FRS2: variants seen among roughly 807,000 people sequenced by gnomAD.
FRS2 encodes the protein fibroblast growth factor receptor substrate 2.
Under a neutral mutation model 43.9 loss-of-function variants are expected in FRS2, and 8 were observed. The observed-to-expected ratio is 0.18, with a 90% CI of 0.11 to 0.33. The LOEUF (loss-of-function observed/expected upper bound fraction) is 0.33. FRS2 is among the 10% of genes least tolerant of loss of function. FRS2 has a pLI of 1.00. For synonymous variants in FRS2, 219 were observed against 220.3 expected (o/e 0.99, Z 0.05); for missense variants, 534 against 627.6 (o/e 0.85, Z 1.59).
At chr12:69,555,413 A>G (rs139134935) in intron 3 of FRS2, among the ~76,000 whole-genome samples, 73 of 152,268 alleles carry the variant, frequency 4.8e-4, no homozygotes, top group East Asian at 3.5e-3. Context: ...TTTGAACAAT[A>G]CTTATTTTAA....
intron 3 of FRS2, among the ~76,000 whole-genome samples, chr12:69,543,900 A>G (rs1193086124): frequency 6.6e-6 from 1 of 152,158 alleles, no homozygotes; most frequent in Non-Finnish European, 1.5e-5. Context: ...ATACTAAAAA[A>G]TTAGGATCTC....
chr12:69,504,515 T>C (rs1873749473), intron 1 of FRS2, among the ~76,000 whole-genome samples: 1 of 152,156 alleles, frequency 6.6e-6, no homozygotes, highest in Non-Finnish European at 1.5e-5. Flanking sequence ...TCACAATAGA[T>C]TTATTGGGAT....
At position 69,470,452 on chromosome 12, in the gene FRS2, G is replaced by A; in HGVS notation, c.-339G>A. ...CTGAGACTCGATCTGCTCCAAGTAG[G>A]GGCTCCAGCGCGGGTCGGAGTCTGG... is the stretch of plus-strand genomic sequence containing the variant. On this transcript the variant is annotated 5_prime_UTR_variant, in exon 1 of 9. Coordinates refer to ENST00000549921, the MANE Select transcript of FRS2 (RefSeq NM_001278356.2). 5.0e-6 allele frequency: 2 copies of A among 398,562 alleles called. No homozygotes were observed. The allele number at this position is 398,562 out of a possible 1,614,324, so 24.7% of individuals were successfully genotyped here.
chr12:69,529,558 T>C (rs540780611), intron 1 of FRS2, among the ~76,000 whole-genome samples: 1 of 151,244 alleles, frequency 6.6e-6, no homozygotes, highest in South Asian at 2.1e-4. Context: ...GAGGCAGAGG[T>C]TGCAGTGAGC....
At chr12:69,486,087 A>G (rs1196069994) in intron 1 of FRS2, 2 of 152,188 alleles carry the variant, frequency 1.3e-5, no homozygotes, top group African/African-American at 2.4e-5. Flanking sequence ...TCCATTAAGT[A>G]TCCTAATTCC....
At chr12:69,557,630 G>GCGCGCA (rs1565773301) in intron 3 of FRS2, among the ~76,000 whole-genome samples, 1 of 147,066 alleles carries the variant, frequency 6.8e-6, no homozygotes, top group East Asian at 2.0e-4. Flanking sequence ...GCGCGCGCGC[G>GCGCGCA]CGCGCGCAGG....
intron 2 of FRS2, 48 bp downstream of exon 2, chr12:69,531,008 T>C (rs1489307071): frequency 1.3e-5 from 2 of 151,410 alleles, no homozygotes; most frequent in Non-Finnish European, 2.9e-5. Flanking sequence ...TTTGTAGTTA[T>C]CTACTTTGAA....
intron 1 of FRS2, among the ~76,000 whole-genome samples, chr12:69,485,305 C>T (rs1359504961): frequency 6.6e-6 from 1 of 152,026 alleles, no homozygotes; most frequent in Non-Finnish European, 1.5e-5. Context: ...GCCTCAGCCT[C>T]CCAAGTAGCT....
chr12:69,575,109 A>G lies in FRS2; in HGVS notation c.*154A>G. ...GTGCATCTTTAACTAAAGGGAATTAATGTAGAGCAGGTACTCCTTAAAGAA... is the reference window on the plus strand; with the variant it reads ...GTGCATCTTTAACTAAAGGGAATTAGTGTAGAGCAGGTACTCCTTAAAGAA... On this transcript the variant is annotated 3_prime_UTR_variant, in exon 9 of 9. Transcript: ENST00000549921. The G allele has an allele frequency of 1.7e-6, 1 of 597,808 alleles. No homozygotes were observed. The highest frequency in any genetic ancestry group is 2.2e-5 in the South Asian group (1 of 46,134). The allele number at this position is 597,808 out of a possible 1,614,324, so 37.0% of individuals were successfully genotyped here. A position where few individuals can be genotyped will look rare whatever the true frequency, so the allele number is the denominator to read the frequency against.
At position 69,570,390 on chromosome 12, in the gene FRS2, C is replaced by G. The variant is rs1880649166; in HGVS notation, c.126C>G (p.Asp42Glu). 6.2e-7 allele frequency: 1 copy of G among 1,613,406 alleles called. No individual in the cohort carries two copies. The highest frequency in any genetic ancestry group is 1.3e-5 in the African/African-American group (1 of 74,896). Residue 42 changes from aspartate to glutamate, a missense_variant, in exon 6 of 9, where the codon GAC (aspartate) becomes GAG (glutamate). Asp to Glu is a conservative substitution (Grantham distance 45). This residue lies in a region of FRS2 where 76 missense variants were observed against 90.5 expected (regional missense o/e 0.84). Transcript: ENST00000549921. ...ELGSGIMELT[D>E]TELILYTRKR... is the part of the protein sequence containing the mutation. ...GTTCTGGCATAATGGAACTTACAGACACAGAACTGATTTTATACACCCGCA... is the reference window on the plus strand; with the variant it reads ...GTTCTGGCATAATGGAACTTACAGAGACAGAACTGATTTTATACACCCGCA...
rs146761960 is a variant in FRS2, at chr12:69,557,593, A to ATTTT, written c.-121-4585_-121-4584insTTTT. Among the ~76,000 whole-genome samples the ATTTT allele has an allele frequency of 6.8e-4, 81 of 118,254 alleles. 1 individual carries two copies. In the South Asian group the frequency reaches 0.015, roughly 22 times the overall value. 77.6% of individuals were successfully genotyped at this position (118,254 alleles called of 152,430 possible). ...GTTTCTTTGAGAGTTCTGAAGGTTGATTGTGTGTGTGTGTGTGTGTGTGTG... is the reference window on the plus strand; with the variant it reads ...GTTTCTTTGAGAGTTCTGAAGGTTGATTTTTTGTGTGTGTGTGTGTGTGTGTGTG... On this transcript the variant is annotated intron_variant, in intron 3 of 8. Transcript: ENST00000549921.
At chr12:69,487,592 G>A (rs987401909) in intron 1 of FRS2, among the ~76,000 whole-genome samples, 4 of 152,200 alleles carry the variant, frequency 2.6e-5, no homozygotes, top group African/African-American at 4.8e-5. Flanking sequence ...CAAGATTAAT[G>A]TTGTTTTCAT....
intron 3 of FRS2, among the ~76,000 whole-genome samples, chr12:69,545,323 TA>T (rs1878276409): frequency 6.6e-6 from 1 of 152,066 alleles, no homozygotes; most frequent in African/African-American, 2.4e-5. Context: ...TCTCAATAGC[TA>T]AAACAATCTT....
At chr12:69,474,787 G>A (rs748389353) in intron 1 of FRS2, among the ~76,000 whole-genome samples, 3 of 152,182 alleles carry the variant, frequency 2.0e-5, no homozygotes, top group Non-Finnish European at 2.9e-5. Context: ...CTCTGATACA[G>A]TATTTCACTT....
chr12:69,572,805 C>A (rs1311072826), intron 8 of FRS2, among the ~76,000 whole-genome samples: 1 of 152,088 alleles, frequency 6.6e-6, no homozygotes, highest in Non-Finnish European at 1.5e-5. Context: ...AAATCAGTTT[C>A]TTTGTGTTCT....
In FRS2 at chr12:69,564,769, T is replaced by C. The variant is rs373217805; in HGVS notation, c.-27+2495T>C. Among the ~76,000 whole-genome samples the C allele has an allele frequency of 1.1e-4, 17 of 152,378 alleles. No individual in the cohort carries two copies. In the South Asian group the frequency reaches 1.2e-3, roughly 11 times the overall value. ...CTCCTACTTAAATTTATCATACATA[T>C]GTTTATTTAAAATGCACTTCTGACC... On this transcript the variant is annotated intron_variant, in intron 4 of 8. Transcript: ENST00000549921.
At chr12:69,513,269 CT>C (rs1021048188) in intron 1 of FRS2, among the ~76,000 whole-genome samples, 2 of 149,790 alleles carry the variant, frequency 1.3e-5, no homozygotes, top group African/African-American at 2.5e-5. Flanking sequence ...TTTAAACTCT[CT>C]TTTTTTTTAG....
At chr12:69,500,167 T>C (rs1429005030) in intron 1 of FRS2, among the ~76,000 whole-genome samples, 1 of 152,170 alleles carries the variant, frequency 6.6e-6, no homozygotes, top group Non-Finnish European at 1.5e-5. Context: ...AACTTTTAGA[T>C]AGATGCTGTT....
intron 3 of FRS2, among the ~76,000 whole-genome samples, chr12:69,538,197 T>TTATATA (rs151295024): frequency 0.035 from 2,885 of 81,486 alleles, 151 homozygotes; most frequent in African/African-American, 0.077. Flanking sequence ...AAAACAAATT[T>TTATATA]TATATATATA....
Sources: allele counts gnomAD v4.1 joint callset (sites outside exome capture counted in the v4.1 genomes callset), GRCh38; gene constraint gnomAD v4.1.1; regional missense constraint gnomAD v4.1.1; transcripts MANE v1.5; gene names NCBI Gene and HGNC (gene_info 2026-07-23, HGNC 2026-07-21).